Variants in SAMD12 observed in about 807,000 individuals in gnomAD.
The protein encoded by SAMD12 is sterile alpha motif domain containing 12, also known as sterile alpha motif domain-containing protein 12.
SAMD12 carries 9 observed loss-of-function variants against 15.0 expected under a neutral mutation model. That is an observed-to-expected ratio of 0.60 (90% CI 0.36 to 1.05). The LOEUF (loss-of-function observed/expected upper bound fraction) is 1.05. Ranked by LOEUF, SAMD12 falls within the 50% of genes least tolerant of loss-of-function variation. The pLI, the probability that SAMD12 is intolerant of heterozygous loss-of-function variation, is 0.01. For synonymous variants in SAMD12, 86 were observed against 90.1 expected (o/e 0.96, Z 0.25); for missense variants, 230 against 234.2 (o/e 0.98, Z 0.12).
chr8:118,392,835 T>C (rs1348926131), intron 3 of SAMD12, among the ~76,000 whole-genome samples: 1 of 147,082 alleles, frequency 6.8e-6, no homozygotes, highest in Non-Finnish European at 1.5e-5. Flanking sequence ...ATGACAATAA[T>C]ACTCCCTACC....
chr8:118,613,801 A>G (rs770149980), intron 1 of SAMD12, among the ~76,000 whole-genome samples: 2 of 152,222 alleles, frequency 1.3e-5, no homozygotes, highest in Admixed American at 6.5e-5. Context: ...CTTTGCATAC[A>G]TATTGTATGG....
intron 2 of SAMD12, among the ~76,000 whole-genome samples, chr8:118,566,736 G>A (rs1438721317): frequency 6.6e-6 from 1 of 152,066 alleles, no homozygotes; most frequent in Admixed American, 6.6e-5. Context: ...CATCCAAGGG[G>A]GGCAGCTTCT....
chr8:118,484,691 A>G (rs1230822324), intron 2 of SAMD12, among the ~76,000 whole-genome samples: 1 of 152,130 alleles, frequency 6.6e-6, no homozygotes, highest in Non-Finnish European at 1.5e-5. Context: ...ACCAACAGCT[A>G]TGATTTCCTA....
At chr8:118,222,662 T>C (rs574702681) in intron 4 of SAMD12, among the ~76,000 whole-genome samples, 27 of 152,200 alleles carry the variant, frequency 1.8e-4, no homozygotes, top group African/African-American at 5.8e-4. Context: ...TGTGCCATCA[T>C]GCCAGGCTAA....
intron 4 of SAMD12, among the ~76,000 whole-genome samples, chr8:118,247,954 T>G (rs1563714584): frequency 6.6e-6 from 1 of 151,990 alleles, no homozygotes; most frequent in African/African-American, 2.4e-5. Flanking sequence ...TTATTGGGGG[T>G]ATTAATTCAT....
chr8:118,476,695 G>T (rs1200183382), intron 2 of SAMD12, among the ~76,000 whole-genome samples: 7 of 152,172 alleles, frequency 4.6e-5, no homozygotes, highest in African/African-American at 1.7e-4. Context: ...ATTTGAACAG[G>T]TGGCTCTAGG....
intron 4 of SAMD12, among the ~76,000 whole-genome samples, chr8:118,343,181 A>G (rs1464124931): frequency 1.3e-5 from 2 of 151,936 alleles, no homozygotes; most frequent in Admixed American, 6.6e-5. Context: ...CCGTGCACCA[A>G]TCTTTCCCCA....
chr8:118,455,633 C>G (rs1441980958), intron 2 of SAMD12, among the ~76,000 whole-genome samples: 1 of 152,170 alleles, frequency 6.6e-6, no homozygotes. Flanking sequence ...TTAATTCCCT[C>G]TCCATCTTTA....
chr8:118,433,310 T>C (rs1822469968), intron 3 of SAMD12, among the ~76,000 whole-genome samples: 1 of 152,200 alleles, frequency 6.6e-6, no homozygotes, highest in Admixed American at 6.5e-5. Flanking sequence ...TAAATTTGTC[T>C]ACAGATATAA....
chr8:118,412,279 A>G (rs1427575586), intron 3 of SAMD12, among the ~76,000 whole-genome samples: 1 of 152,290 alleles, frequency 6.6e-6, no homozygotes, highest in Non-Finnish European at 1.5e-5. Context: ...ATTGAGAGGA[A>G]CTATACCTAA....
rs554269020 is a variant in SAMD12, at chr8:118,356,582, G to A, written c.433+22978C>T. Among the ~76,000 whole-genome samples, 27 of 152,262 alleles carry A rather than the reference G, an allele frequency of 1.8e-4. No homozygotes were observed. The East Asian group carries it at 2.1e-3, about 12-fold the overall frequency. On this transcript the variant is annotated intron_variant, in intron 4 of 4. Coordinates refer to the SAMD12 transcript ENST00000409003. Reference sequence around the variant, plus strand: ...ACAAAACCTAATGTGAGTGAAAGGCGGAAATGTCTAGTGATCGAGTGACCG... The same window carrying A: ...ACAAAACCTAATGTGAGTGAAAGGCAGAAATGTCTAGTGATCGAGTGACCG...
At chr8:118,517,414 G>C (rs1410490336) in intron 2 of SAMD12, among the ~76,000 whole-genome samples, 2 of 152,136 alleles carry the variant, frequency 1.3e-5, no homozygotes, top group African/African-American at 4.8e-5. Flanking sequence ...CTCCCATACA[G>C]CTGGAGATTG....
chr8:118,291,677 A>G (rs970415116), intron 4 of SAMD12, among the ~76,000 whole-genome samples: 1 of 151,930 alleles, frequency 6.6e-6, no homozygotes, highest in Non-Finnish European at 1.5e-5. Context: ...TAGTTCGCAG[A>G]AAAATCTCTG....
At chr8:118,318,807 C>T (rs1050780918) in intron 4 of SAMD12, among the ~76,000 whole-genome samples, 9 of 152,040 alleles carry the variant, frequency 5.9e-5, no homozygotes, top group African/African-American at 1.9e-4. Context: ...TTCAAGGGAC[C>T]CTCAAACAAG....
At chr8:118,583,991 G>A (rs1017172388) in intron 1 of SAMD12, among the ~76,000 whole-genome samples, 95 of 152,210 alleles carry the variant, frequency 6.2e-4, no homozygotes, top group African/African-American at 2.2e-3. Context: ...TTCAGCTGCA[G>A]AATGAACCAG....
intron 1 of SAMD12, among the ~76,000 whole-genome samples, chr8:118,584,960 C>A (rs190083186): frequency 4.5e-4 from 65 of 143,820 alleles, no homozygotes; most frequent in Non-Finnish European, 7.3e-4. Context: ...CACACAAACA[C>A]ACACACACAA....
chr8:118,551,111 G>A (rs950894094), intron 2 of SAMD12, among the ~76,000 whole-genome samples: 1 of 152,194 alleles, frequency 6.6e-6, no homozygotes, highest in African/African-American at 2.4e-5. Flanking sequence ...ACATTAGACA[G>A]ATCAACGGGA....
intron 4 of SAMD12, among the ~76,000 whole-genome samples, chr8:118,308,959 C>A (rs180712816): frequency 5.3e-5 from 8 of 152,226 alleles, no homozygotes; most frequent in African/African-American, 1.7e-4. Flanking sequence ...ACAAAGACTT[C>A]AAGGATAAGA....
chr8:118,522,987 G>T (rs1233190468), intron 2 of SAMD12, among the ~76,000 whole-genome samples: 1 of 152,108 alleles, frequency 6.6e-6, no homozygotes, highest in African/African-American at 2.4e-5. Context: ...AGGTCATTCT[G>T]ATATTTGACA....
Sources: allele counts gnomAD v4.1 joint callset (sites outside exome capture counted in the v4.1 genomes callset), GRCh38; gene constraint gnomAD v4.1.1; transcripts MANE v1.5; gene names NCBI Gene and HGNC (gene_info 2026-07-23, HGNC 2026-07-21).